Variants in EIF4ENIF1 observed in about 807,000 individuals in gnomAD.
EIF4ENIF1 encodes eukaryotic translation initiation factor 4E transporter.
Under a neutral mutation model 110.5 loss-of-function variants are expected in EIF4ENIF1, and 23 were observed. That is an observed-to-expected ratio of 0.21 (90% CI 0.15 to 0.29). The LOEUF is 0.29. Among genes scored for constraint, EIF4ENIF1 ranks in the 10% least tolerant of loss-of-function variants. The pLI is 1.00. For synonymous variants in EIF4ENIF1, 440 were observed against 437.0 expected, an observed-to-expected ratio of 1.01 and a Z score of -0.09; for missense variants, 1,031 against 1,221.1, an observed-to-expected ratio of 0.84 and a Z score of 2.32.
At chr22:31,492,766 G>C (rs538705716), upstream of EIF4ENIF1, among the ~76,000 whole-genome samples, 2 of 152,220 alleles carry the variant, frequency 1.3e-5, no homozygotes, top group African/African-American at 4.8e-5. Flanking sequence ...GAGTCTCGCT[G>C]TATCGCCCAG....
chr22:31,484,295 A>C (rs1180964439), intron 2 of EIF4ENIF1, among the ~76,000 whole-genome samples: 2 of 152,156 alleles, frequency 1.3e-5, no homozygotes, highest in Non-Finnish European at 2.9e-5. Context: ...ACACAAAAGG[A>C]AACTCTGGTA....
Position 31,439,780 on chromosome 22 carries a change from G to T in EIF4ENIF1, c.*100C>A. On this transcript the variant is annotated 3_prime_UTR_variant, in exon 19 of 19. Coordinates refer to ENST00000330125, the MANE Select transcript of EIF4ENIF1 (RefSeq NM_019843.4). ...GTTCCACCAAACAGCTTCACACAGA[G>T]TGCTCCAAAGTAAAAGCCCATAAAC... 6.6e-7 allele frequency: 1 copy of T among 1,508,614 alleles called. No individual in the cohort carries two copies. Among genetic ancestry groups the T allele is most frequent in the Non-Finnish European group, 8.8e-7 (1 of 1,131,342 alleles). 93.5% of individuals were successfully genotyped at this position (1,508,614 alleles called of 1,614,324 possible).
intron 8 of EIF4ENIF1, 44 bp downstream of exon 8, chr22:31,455,808 A>G: frequency 6.2e-7 from 1 of 1,610,340 alleles, no homozygotes; most frequent in Non-Finnish European, 8.5e-7. Context: ...TATCAGGGAA[A>G]AACCCAGGTT....
intron 2 of EIF4ENIF1, among the ~76,000 whole-genome samples, chr22:31,472,569 G>A (rs1569097129): frequency 1.3e-5 from 2 of 152,156 alleles, no homozygotes; most frequent in Middle Eastern, 3.4e-3. Context: ...GGGCCGGGGG[G>A]CGATAGTTTT....
intron 2 of EIF4ENIF1, among the ~76,000 whole-genome samples, chr22:31,487,539 G>A (rs2052082753): frequency 6.6e-6 from 1 of 152,154 alleles, no homozygotes; most frequent in South Asian, 2.1e-4. Flanking sequence ...GCTCACCCCT[G>A]TAATCCCAAC....
chr22:31,468,518 A>G (rs1400368511), intron 3 of EIF4ENIF1, among the ~76,000 whole-genome samples: 1 of 151,968 alleles, frequency 6.6e-6, no homozygotes, highest in African/African-American at 2.4e-5. Context: ...CCTCAGCCTC[A>G]CCAGTAGCTG....
At chr22:31,466,630 G>A (rs1429887939) in intron 4 of EIF4ENIF1, among the ~76,000 whole-genome samples, 2 of 131,382 alleles carry the variant, frequency 1.5e-5, no homozygotes, top group Non-Finnish European at 3.2e-5. Flanking sequence ...GCTTGGGAAG[G>A]GGGAAGTGTT....
rs2050509353 is a variant in EIF4ENIF1, at chr22:31,447,400, C to T, written c.1988+26G>A. On this transcript the variant is annotated intron_variant, in intron 14 of 18. Coordinates refer to ENST00000330125, the MANE Select transcript of EIF4ENIF1 (RefSeq NM_019843.4). The stretch of plus-strand genomic sequence containing the variant: ...TTCAGGAAAACTTATCCGTAAATCT[C>T]CACATGAGCAGGATTAGTAATTTAC... 3.1e-6 allele frequency: 5 copies of T among 1,605,530 alleles called. 1 individual carries two copies. The Admixed American group carries it at 5.2e-5, about 17-fold the overall frequency.
chr22:31,459,147 T>A (rs2045486090), intron 6 of EIF4ENIF1, among the ~76,000 whole-genome samples: 1 of 152,032 alleles, frequency 6.6e-6, no homozygotes, highest in African/African-American at 2.4e-5. Context: ...AGCCTGGACT[T>A]AAACTGCTGA....
downstream of EIF4ENIF1, among the ~76,000 whole-genome samples, chr22:31,438,681 A>G (rs2050209253): frequency 6.6e-6 from 1 of 152,190 alleles, no homozygotes; most frequent in Admixed American, 6.5e-5. Context: ...GCTCAAGGAA[A>G]AAGGCCATAG....
chr22:31,437,505 C>A (rs2050190050), downstream of EIF4ENIF1, among the ~76,000 whole-genome samples: 1 of 121,446 alleles, frequency 8.2e-6, no homozygotes, highest in African/African-American at 3.1e-5. Context: ...AATACTTTTG[C>A]TAAAACCTGT....
chr22:31,477,528 T>C (rs571508955), intron 2 of EIF4ENIF1, among the ~76,000 whole-genome samples: 1 of 152,326 alleles, frequency 6.6e-6, no homozygotes, highest in East Asian at 1.9e-4. Context: ...AATTCTCATT[T>C]TCACTTCCGT....
chr22:31,484,876 T>G lies in EIF4ENIF1; in HGVS notation c.96+3747A>C, dbSNP rs1281016672. 2.6e-5 allele frequency among the ~76,000 whole-genome samples: 4 copies of G among 152,338 alleles called. No homozygotes were observed. The East Asian group carries it at 5.8e-4, about 22-fold the overall frequency. On this transcript the variant is annotated intron_variant, in intron 2 of 18. Coordinates refer to ENST00000330125, the MANE Select transcript of EIF4ENIF1 (RefSeq NM_019843.4). ...AGTTTCCCTCTACTGCTTCTAGATC[T>G]TCTAGCCCGTGAACTTGAAGTGGCA... is the stretch of plus-strand genomic sequence containing the variant.
At chr22:31,440,994 G>C (rs778584345) in intron 17 of EIF4ENIF1, 126 bp from the exon 18 acceptor site, 18 of 1,297,704 alleles carry the variant, frequency 1.4e-5, no homozygotes, top group Non-Finnish European at 1.9e-5. Flanking sequence ...AGTGGCTCAC[G>C]CCTGTAATCC....
At chr22:31,479,674 CT>C (rs2051736020) in intron 2 of EIF4ENIF1, among the ~76,000 whole-genome samples, 1 of 142,166 alleles carries the variant, frequency 7.0e-6, no homozygotes, top group African/African-American at 2.6e-5. Context: ...TGATATTACC[CT>C]TTTGGAAAGG....
intron 2 of EIF4ENIF1, among the ~76,000 whole-genome samples, chr22:31,473,639 A>G (rs2051468394): frequency 6.6e-6 from 1 of 152,172 alleles, no homozygotes; most frequent in Non-Finnish European, 1.5e-5. Context: ...TGATAGACTG[A>G]GCCTAAATAT....
chr22:31,442,833 A>AC, intron 16 of EIF4ENIF1, 129 bp downstream of exon 16: 1 of 1,234,278 alleles, frequency 8.1e-7, no homozygotes, highest in South Asian at 1.5e-5. Flanking sequence ...CTGACACAGA[A>AC]CCATAGTCCA....
chr22:31,459,818 A>G (rs1196151085), intron 6 of EIF4ENIF1, among the ~76,000 whole-genome samples: 2 of 152,194 alleles, frequency 1.3e-5, no homozygotes, highest in African/African-American at 2.4e-5. Flanking sequence ...AGCTAATGGG[A>G]TGAACCAAGA....
chr22:31,446,333 A>G (rs2050476124), intron 14 of EIF4ENIF1, among the ~76,000 whole-genome samples: 1 of 151,434 alleles, frequency 6.6e-6, no homozygotes, highest in South Asian at 2.1e-4. Flanking sequence ...AAATCACATC[A>G]ATGAATACTA....
Sources: allele counts gnomAD v4.1 joint callset (sites outside exome capture counted in the v4.1 genomes callset), GRCh38; gene constraint gnomAD v4.1.1; transcripts MANE v1.5; gene names NCBI Gene and HGNC (gene_info 2026-07-23, HGNC 2026-07-21).